The following EVI5L variants were observed in gnomAD, a reference collection of about 807,000 sequenced individuals.
EVI5L encodes the protein ecotropic viral integration site 5 like.
EVI5L carries 30 observed loss-of-function variants against 106.1 expected under a neutral mutation model. The ratio of observed to expected loss-of-function variants is 0.28; its 90% CI spans 0.21 to 0.38. The LOEUF (loss-of-function observed/expected upper bound fraction) is 0.38, where lower values mean the gene tolerates loss of function less well. EVI5L is among the 10% of genes least tolerant of loss of function. The pLI is 1.00. For missense variants in EVI5L, 809 were observed against 1,098.0 expected (o/e 0.74, Z 3.72); for synonymous variants, 489 against 483.3 (o/e 1.01, Z -0.15).
rs1333828952 is a variant in EVI5L, at chr19:7,858,109, T to TC, written c.1234-77dup. 3 of 1,494,864 alleles carry TC rather than the reference T, an allele frequency of 2.0e-6. No homozygotes were observed. Among genetic ancestry groups the TC allele is most frequent in the Non-Finnish European group, 2.7e-6 (3 of 1,114,462 alleles). 92.6% of individuals were successfully genotyped at this position (1,494,864 alleles called of 1,614,324 possible). On this transcript the variant is annotated intron_variant, in intron 12 of 19. Coordinates refer to ENST00000538904, the MANE Select transcript of EVI5L (RefSeq NM_001159944.3). This position sits in a 1 kb window ranked among gnomAD's most constrained non-coding sequence, Gnocchi z 5.7. ...TCCCCCCACCTCCACTCTCTGGGCC[T>TC]CCCCCTGTGGCGGGAGGCAGGGCCT...
At chr19:7,833,117 A>C (rs1204917303) in intron 1 of EVI5L, among the ~76,000 whole-genome samples, 2 of 152,190 alleles carry the variant, frequency 1.3e-5, no homozygotes, top group African/African-American at 4.8e-5. Context: ...ACGCAGTTTT[A>C]CCCGAGACTG....
At chr19:7,842,992 TTGAG>T (rs565667531) in intron 1 of EVI5L, among the ~76,000 whole-genome samples, 298 of 151,658 alleles carry the variant, frequency 2.0e-3, no homozygotes, top group Non-Finnish European at 3.5e-3. Context: ...AGCACGTGTG[TTGAG>T]TGTGTGCATG....
chr19:7,839,445 G>A (rs1015155366), intron 1 of EVI5L, among the ~76,000 whole-genome samples: 6 of 152,050 alleles, frequency 3.9e-5, no homozygotes, highest in Admixed American at 3.9e-4. Flanking sequence ...AGAAAGAGGC[G>A]AGGCTGGGAA....
chr19:7,855,553 A>C (rs907294522), intron 10 of EVI5L, among the ~76,000 whole-genome samples: 1 of 152,198 alleles, frequency 6.6e-6, no homozygotes, highest in African/African-American at 2.4e-5. Context: ...ATGCATGATC[A>C]GCACGCTGGA....
Position 7,857,669 on chromosome 19 carries a change from C to T in EVI5L, c.1234-522C>T, listed in dbSNP as rs1979596262. 5.6e-6 allele frequency: 1 copy of T among 179,812 alleles called. No individual in the cohort carries two copies. The highest frequency in any genetic ancestry group is 1.2e-5 in the Non-Finnish European group (1 of 85,230). 11.1% of individuals were successfully genotyped at this position (179,812 alleles called of 1,614,324 possible). On this transcript the variant is annotated intron_variant, in intron 12 of 19. Transcript: ENST00000538904. The surrounding 1 kb of genome is among the most constrained non-coding windows in gnomAD (Gnocchi z 4.5). ...TGGCTTTGAGCCTGGAATGGGGGGCCCAAGTTGGGTAGGGGACAAAGATGA... is the reference window on the plus strand; with the variant it reads ...TGGCTTTGAGCCTGGAATGGGGGGCTCAAGTTGGGTAGGGGACAAAGATGA...
Position 7,847,565 on chromosome 19 carries a change from G to A in EVI5L, c.138-167G>A, listed in dbSNP as rs146644027. 6.8e-3 allele frequency among the ~76,000 whole-genome samples: 1,019 copies of A among 150,952 alleles called. 13 individuals carry two copies. The highest frequency in any genetic ancestry group is 0.024 in the African/African-American group (982 of 41,218). ...CACACCACTGCACTCCAGCCTGGGC[G>A]ACAGAGCAAGACTCCATCTCAAAGA... On this transcript the variant is annotated intron_variant, in intron 2 of 19. Coordinates refer to ENST00000538904, the MANE Select transcript of EVI5L (RefSeq NM_001159944.3).
At chr19:7,842,069 C>T (rs1290942858) in intron 1 of EVI5L, among the ~76,000 whole-genome samples, 1 of 151,926 alleles carries the variant, frequency 6.6e-6, no homozygotes, top group Admixed American at 6.6e-5. Flanking sequence ...GAGTGTGTGT[C>T]AATGGGTATG....
chr19:7,853,900 C>CA (rs1979388883), intron 10 of EVI5L, among the ~76,000 whole-genome samples: 1 of 152,218 alleles, frequency 6.6e-6, no homozygotes, highest in Non-Finnish European at 1.5e-5. Context: ...CCAGCCCTGC[C>CA]AGGTCAGGGG....
chr19:7,846,612 A>G lies in EVI5L; in HGVS notation c.70A>G (p.Thr24Ala), dbSNP rs772747418. 8.7e-6 allele frequency: 14 copies of G among 1,613,492 alleles called. No individual in the cohort carries two copies. The South Asian group carries it at 1.2e-4, about 14-fold the overall frequency. ...EALSAPTCSP[T>A]SDSENLSPDE... ...CCTGTCGGCCCCCACCTGCTCCCCA[A>G]CCTCTGACTCCGAGAACCTCAGCCC... The change falls in exon 2 of 20, where the codon ACC becomes GCC. Residue 24 changes from threonine (T) to alanine (A), a missense_variant. Physicochemically the swap from Thr to Ala is moderately conservative, Grantham distance 58. Coordinates refer to ENST00000538904, the MANE Select transcript of EVI5L (RefSeq NM_001159944.3).
At position 7,856,843 on chromosome 19, in the gene EVI5L, C is replaced by T. The variant is rs534432201; in HGVS notation, c.1201-249C>T. On this transcript the variant is annotated intron_variant, in intron 11 of 19. Coordinates refer to ENST00000538904, the MANE Select transcript of EVI5L (RefSeq NM_001159944.3). The surrounding 1 kb of genome is among the most constrained non-coding windows in gnomAD (Gnocchi z 6.6). Reference sequence around the variant, plus strand: ...GGTTTCCCAGCCCTGCGGCCTCCCCCACAGCCGCGGGCACCCCCGACCTCC... The same window carrying T: ...GGTTTCCCAGCCCTGCGGCCTCCCCTACAGCCGCGGGCACCCCCGACCTCC... 6.2e-5 allele frequency: 42 copies of T among 679,898 alleles called. No individual in the cohort carries two copies. In the African/African-American group the frequency reaches 6.5e-4, roughly 11 times the overall value. The allele number at this position is 679,898 out of a possible 1,614,324, so 42.1% of individuals were successfully genotyped here.
rs968237071 is a variant in EVI5L at position 7,858,672 on chromosome 19, G to A, written c.1374+341G>A. The A allele has an allele frequency of 1.2e-4, 37 of 306,892 alleles. No individual in the cohort carries two copies. The highest frequency in any genetic ancestry group is 7.1e-4 in the African/African-American group (32 of 44,854). 19.0% of individuals were successfully genotyped at this position (306,892 alleles called of 1,614,324 possible). ...GACAGGGCTGTGACTCCTTACGGAG[G>A]CTCTTGCCTGTCCCCAGGGTCTGAA... On this transcript the variant is annotated intron_variant, in intron 13 of 19. Coordinates refer to ENST00000538904, the MANE Select transcript of EVI5L (RefSeq NM_001159944.3). This position sits in a 1 kb window ranked among gnomAD's most constrained non-coding sequence, Gnocchi z 5.7.
chr19:7,830,849 T>G (rs1978291013), intron 1 of EVI5L, among the ~76,000 whole-genome samples: 1 of 52,294 alleles, frequency 1.9e-5, no homozygotes. Flanking sequence ...ACCCCCTCAC[T>G]TCACGTCCTC....
intron 13 of EVI5L, 55 bp from the exon 14 acceptor site, chr19:7,860,506 C>T: frequency 2.0e-6 from 3 of 1,480,642 alleles, no homozygotes; most frequent in Non-Finnish European, 1.8e-6. Context: ...GGCATGGAGG[C>T]TGCCCATCCC....
intron 1 of EVI5L, among the ~76,000 whole-genome samples, chr19:7,842,240 G>A (rs939339169): frequency 2.0e-5 from 3 of 151,456 alleles, no homozygotes; most frequent in African/African-American, 7.3e-5. Context: ...ATAGGTGTGT[G>A]TGCATCAAGT....
At chr19:7,833,699 G>A (rs1198993159) in intron 1 of EVI5L, among the ~76,000 whole-genome samples, 1 of 152,194 alleles carries the variant, frequency 6.6e-6, no homozygotes, top group Non-Finnish European at 1.5e-5. Context: ...CCTTTGATAG[G>A]CGTCTTACTA....
chr19:7,838,091 G>GTTAA (rs1568232516), intron 1 of EVI5L, among the ~76,000 whole-genome samples: 1 of 150,024 alleles, frequency 6.7e-6, no homozygotes, highest in Non-Finnish European at 1.5e-5. Flanking sequence ...TTTTTTTTTG[G>GTTAA]TTGGTTTTTT....
chr19:7,848,856 T>G lies in EVI5L; in HGVS notation c.328-65T>G. 1 of 1,508,550 alleles carries G rather than the reference T, an allele frequency of 6.6e-7. No individual in the cohort carries two copies. Among genetic ancestry groups the G allele is most frequent in the Non-Finnish European group, 9.1e-7 (1 of 1,103,284 alleles). The allele number at this position is 1,508,550 out of a possible 1,614,324, so 93.4% of individuals were successfully genotyped here. ...ATGAGCCACGCCTGAGGAGCTGGGC[T>G]GGGTGGCCACGGGGAGGCTGCGCTG... is the stretch of plus-strand genomic sequence containing the variant. On this transcript the variant is annotated intron_variant, in intron 3 of 19. Transcript: ENST00000538904. This position sits in a 1 kb window ranked among gnomAD's most constrained non-coding sequence, Gnocchi z 4.8.
chr19:7,857,484 C>CAA lies in EVI5L; in HGVS notation c.1233+361_1233+362dup. 4.5e-6 allele frequency: 2 copies of CAA among 445,912 alleles called. No homozygotes were observed. Among genetic ancestry groups the CAA allele is most frequent in the Non-Finnish European group, 8.3e-6 (2 of 240,528 alleles). 27.6% of individuals were successfully genotyped at this position (445,912 alleles called of 1,614,324 possible). ...GCAGTGCTGCGGTCACACACACACA[C>CAA]AACACATGCACACACACACACGCAC... On this transcript the variant is annotated intron_variant, in intron 12 of 19. Coordinates refer to ENST00000538904, the MANE Select transcript of EVI5L (RefSeq NM_001159944.3). The surrounding 1 kb of genome is among the most constrained non-coding windows in gnomAD (Gnocchi z 4.5).
chr19:7,834,642 C>T (rs1978316485), intron 1 of EVI5L, among the ~76,000 whole-genome samples: 2 of 152,150 alleles, frequency 1.3e-5, no homozygotes, highest in African/African-American at 4.8e-5. Flanking sequence ...TATGGGATGC[C>T]TACTAGACTC....
Sources: allele counts gnomAD v4.1 joint callset (sites outside exome capture counted in the v4.1 genomes callset), GRCh38; gene constraint gnomAD v4.1.1; non-coding constraint Gnocchi (gnomAD v3.1); transcripts MANE v1.5; gene names NCBI Gene and HGNC (gene_info 2026-07-23, HGNC 2026-07-21).